The following SCN9A variants were observed in gnomAD, a reference collection of about 807,000 sequenced individuals.
The protein encoded by SCN9A is sodium voltage-gated channel alpha subunit 9, also known as sodium channel protein type 9 subunit alpha.
SCN9A carries 131 observed loss-of-function variants against 187.0 expected under a neutral mutation model. The ratio of observed to expected loss-of-function variants is 0.70; its 90% CI spans 0.61 to 0.81. SCN9A has a LOEUF of 0.81. SCN9A is among the 30% of genes least tolerant of loss of function. SCN9A has a pLI of 0.00. For missense variants in SCN9A, 2,252 were observed against 2,396.6 expected (o/e 0.94, Z 1.26); for synonymous variants, 809 against 808.6 (o/e 1.00, Z -0.01).
At chr2:166,272,976 A>T in intron 16 of SCN9A, 101 bp from the exon 17 acceptor site, 1 of 544,588 alleles carries the variant, frequency 1.8e-6, no homozygotes, top group Non-Finnish European at 3.0e-6. Flanking sequence ...CCACAATACA[A>T]ACCAGCAACG....
intron 24 of SCN9A, among the ~76,000 whole-genome samples, chr2:166,222,379 C>G (rs912186054): frequency 6.6e-6 from 1 of 152,202 alleles, no homozygotes; most frequent in African/African-American, 2.4e-5. Flanking sequence ...CCTGTTATCC[C>G]AGCACTTTGG....
intron 1 of SCN9A, among the ~76,000 whole-genome samples, chr2:166,320,630 A>G (rs1699214428): frequency 6.6e-6 from 1 of 152,170 alleles, no homozygotes; most frequent in South Asian, 2.1e-4. Flanking sequence ...GTTTTCAACA[A>G]TATCAATCTT....
At position 166,204,082 on chromosome 2, in the gene SCN9A, C is replaced by G. The variant is rs760027816; in HGVS notation, c.4647G>C (p.Trp1549Cys). 1 of 1,612,656 alleles carries G rather than the reference C, an allele frequency of 6.2e-7. No homozygotes were observed. The highest frequency in any genetic ancestry group is 1.1e-5 in the South Asian group (1 of 91,044). The change falls in exon 26 of 27, where the codon TGG becomes TGC. Residue 1549 changes from tryptophan to cysteine, a missense_variant. Coordinates refer to ENST00000642356, the MANE Select transcript of SCN9A (RefSeq NM_001365536.1). ...QSQHMTEVLY[W>C]INVVFIILFT... is the part of the protein sequence containing the mutation. ...AAAGGATTATAAAAACCACATTTAT[C>G]CAATATAAAACTTCAGTCATATGTT...
chr2:166,359,711 T>G (rs1160389413), intron 1 of SCN9A, among the ~76,000 whole-genome samples: 6 of 152,096 alleles, frequency 3.9e-5, no homozygotes, highest in African/African-American at 1.4e-4. Flanking sequence ...GTTGAACAAC[T>G]GGTATGCAAA....
In SCN9A at chr2:166,375,683, GA is replaced by G; in HGVS notation, c.-51+13del. ...TCCCCTCCCCACAGAAGCAGCAAAA[GA>G]AAAGGCACTTACTTGCAACCTAGCC... On this transcript the variant is annotated intron_variant, in intron 1 of 26. Coordinates refer to ENST00000642356, the MANE Select transcript of SCN9A (RefSeq NM_001365536.1). The G allele has an allele frequency of 6.6e-6, 1 of 152,506 alleles. No individual in the cohort carries two copies. The highest frequency in any genetic ancestry group is 1.5e-5 in the Non-Finnish European group (1 of 68,186). The allele number at this position is 152,506 out of a possible 1,614,324, so 9.4% of individuals were successfully genotyped here. A position where few individuals can be genotyped will look rare whatever the true frequency, so the allele number is the denominator to read the frequency against.
chr2:166,211,571 GAAT>G (rs1361292319), intron 24 of SCN9A, among the ~76,000 whole-genome samples: 1 of 151,616 alleles, frequency 6.6e-6, no homozygotes, highest in Non-Finnish European at 1.5e-5. Context: ...AAATAATTAA[GAAT>G]AACTAAAATT....
At chr2:166,231,604 T>G (rs1378678191) in intron 21 of SCN9A, among the ~76,000 whole-genome samples, 4 of 136,614 alleles carry the variant, frequency 2.9e-5, no homozygotes, top group African/African-American at 8.5e-5. Flanking sequence ...CAGGCTGGAG[T>G]GCAGTTGCAT....
intron 14 of SCN9A, among the ~76,000 whole-genome samples, chr2:166,279,178 C>A (rs1291067427): frequency 6.6e-6 from 1 of 152,056 alleles, no homozygotes; most frequent in African/African-American, 2.4e-5. Context: ...ACTAGATATT[C>A]CTGCCTTTTT....
intron 26 of SCN9A, among the ~76,000 whole-genome samples, chr2:166,200,537 T>C (rs1693459217): frequency 6.6e-6 from 1 of 152,166 alleles, no homozygotes; most frequent in African/African-American, 2.4e-5. Flanking sequence ...CAATAACTAT[T>C]ATCAATATTT....
chr2:166,297,444 GCATAGATA>G (rs1481880093), intron 7 of SCN9A, among the ~76,000 whole-genome samples: 2 of 151,946 alleles, frequency 1.3e-5, no homozygotes, highest in Non-Finnish European at 2.9e-5. Flanking sequence ...AAGAAATGAA[GCATAGATA>G]CATACTATAC....
intron 1 of SCN9A, among the ~76,000 whole-genome samples, chr2:166,358,054 AT>A (rs1244478094): frequency 1.3e-5 from 2 of 148,514 alleles, no homozygotes; most frequent in African/African-American, 4.9e-5. Flanking sequence ...TTATTTATTT[AT>A]TTATTTATTT....
At chr2:166,323,575 A>T (rs1272963115) in intron 1 of SCN9A, among the ~76,000 whole-genome samples, 1 of 152,138 alleles carries the variant, frequency 6.6e-6, no homozygotes, top group Non-Finnish European at 1.5e-5. Context: ...AAAAAATGTG[A>T]GTTGTGCCCA....
chr2:166,270,098 C>A (rs965364834), intron 17 of SCN9A, among the ~76,000 whole-genome samples: 1 of 152,052 alleles, frequency 6.6e-6, no homozygotes, highest in Admixed American at 6.6e-5. Flanking sequence ...AGTATTACTT[C>A]TTCCATGTAG....
intron 24 of SCN9A, among the ~76,000 whole-genome samples, chr2:166,214,731 G>A (rs188186922): frequency 6.6e-6 from 1 of 150,840 alleles, no homozygotes. Flanking sequence ...AGCCAGGATG[G>A]TCTCGATCTC....
In SCN9A at chr2:166,227,697, A is replaced by G. The variant is rs756707566; in HGVS notation, c.4233T>C (p.Ile1411=). Residue 1411 remains isoleucine, a synonymous_variant, in exon 23 of 27, where the codon ATT becomes ATC. Coordinates refer to ENST00000642356, the MANE Select transcript of SCN9A (RefSeq NM_001365536.1). ...TAACAGAATCCACTGCTGCATACAT[A>G]ATAATCGTCCATCCCTTAAAAGTTG... is the stretch of plus-strand genomic sequence containing the variant. The part of the protein sequence containing the change: ...QVATFKGWTI[I]MYAAVDSVNV... The G allele has an allele frequency of 1.3e-6, 2 of 1,522,428 alleles. No individual in the cohort carries two copies. The highest frequency in any genetic ancestry group is 9.0e-7 in the Non-Finnish European group (1 of 1,117,070). 94.3% of individuals were successfully genotyped at this position (1,522,428 alleles called of 1,614,324 possible).
At chr2:166,283,731 C>T (rs1697597824) in intron 12 of SCN9A, among the ~76,000 whole-genome samples, 1 of 152,114 alleles carries the variant, frequency 6.6e-6, no homozygotes, top group Non-Finnish European at 1.5e-5. Flanking sequence ...AGTTATGTTT[C>T]ATTTATATGG....
At position 166,199,110 on chromosome 2, in the gene SCN9A, A is replaced by C. The variant is rs1383580503; in HGVS notation, c.5529T>G (p.Phe1843Leu). The change falls in exon 27 of 27, where the codon TTT becomes TTG. Residue 1843 changes from phenylalanine (F) to leucine (L), a missense_variant. This residue lies in a region of SCN9A where 345 missense variants were observed against 344.6 expected (regional missense o/e 1.00). Transcript: ENST00000642356. ...CACCCAAAACACGCTTTGTAAAAGC[A>C]AATAAGATGTCAAGACAATGGATCC... ...GDRIHCLDIL[F>L]AFTKRVLGES... 6.2e-7 allele frequency: 1 copy of C among 1,614,204 alleles called. No individual in the cohort carries two copies. The highest frequency in any genetic ancestry group is 1.1e-5 in the South Asian group (1 of 91,078).
intron 24 of SCN9A, among the ~76,000 whole-genome samples, chr2:166,211,353 G>T (rs1195345742): frequency 2.6e-5 from 4 of 152,072 alleles, no homozygotes; most frequent in Admixed American, 1.3e-4. Context: ...AATGCTGAGG[G>T]AGTTCATCAC....
chr2:166,317,794 T>C (rs149648597), intron 1 of SCN9A, among the ~76,000 whole-genome samples: 102 of 152,250 alleles, frequency 6.7e-4, no homozygotes, highest in African/African-American at 2.1e-3. Flanking sequence ...CAAATTTCCA[T>C]TGCAGTAAAA....
Sources: gnomAD v4.1 joint callset for allele counts (sites outside exome capture counted in the v4.1 genomes callset) on GRCh38, gnomAD v4.1.1 for gene constraint, gnomAD v4.1.1 regional missense constraint, MANE v1.5 for transcripts, NCBI Gene and HGNC (gene_info 2026-07-23, HGNC 2026-07-21) for gene names.